DMD: variants seen among roughly 807,000 people sequenced by gnomAD.
DMD encodes the protein mutant dystrophin.
Under a neutral mutation model 330.1 loss-of-function variants are expected in DMD, and 63 were observed. That is an observed-to-expected ratio of 0.19 (90% CI 0.16 to 0.24). The LOEUF (loss-of-function observed/expected upper bound fraction) is 0.24. Ranked by LOEUF, DMD falls within the 10% of genes least tolerant of loss-of-function variation. The pLI, the probability that DMD is intolerant of heterozygous loss-of-function variation, is 1.00. For synonymous variants in DMD, 1,223 were observed against 959.8 expected (o/e 1.27, Z -5.07); for missense variants, 3,344 against 2,684.1 (o/e 1.25, Z -5.43).
intron 2 of DMD, among the ~76,000 whole-genome samples, chrX:32,924,388 G>C (rs2088765739): frequency 9.0e-6 from 1 of 110,634 alleles, no homozygotes. Flanking sequence ...AAAATTAGCA[G>C]GGCGTGGTGT....
At chrX:32,063,326 T>A (rs2096240811) in intron 44 of DMD, among the ~76,000 whole-genome samples, 1 of 110,667 alleles carries the variant, frequency 9.0e-6, no homozygotes. Flanking sequence ...GCCTATGAGT[T>A]TTGTCCCCCT....
intron 9 of DMD, among the ~76,000 whole-genome samples, chrX:32,684,409 T>A (rs2062695762): frequency 9.0e-6 from 1 of 111,701 alleles, no homozygotes; most frequent in Admixed American, 9.5e-5. Flanking sequence ...TAAGTTTTAT[T>A]AATCCTATGG....
At chrX:32,464,404 A>T (rs1378859021) in intron 24 of DMD, among the ~76,000 whole-genome samples, 182 bp downstream of exon 24, 6 of 110,151 alleles carry the variant, frequency 5.4e-5, no homozygotes, top group Non-Finnish European at 9.5e-5. Flanking sequence ...TACCTATTAG[A>T]CACCAGTAGC....
intron 60 of DMD, among the ~76,000 whole-genome samples, chrX:31,355,098 AAAG>A (rs1281189418): frequency 8.9e-6 from 1 of 112,617 alleles, no homozygotes; most frequent in Non-Finnish European, 1.9e-5. Flanking sequence ...TAAAAGAAAG[AAAG>A]AAAAAGGACC....
chrX:32,696,140 G>A (rs1192958825), intron 9 of DMD, among the ~76,000 whole-genome samples: 1 of 112,069 alleles, frequency 8.9e-6, no homozygotes, highest in Non-Finnish European at 1.9e-5. Context: ...AGACCAGCAA[G>A]TAAACACTTT....
intron 2 of DMD, among the ~76,000 whole-genome samples, chrX:32,874,752 A>G (rs2149164396): frequency 8.9e-6 from 1 of 111,825 alleles, no homozygotes; most frequent in South Asian, 3.8e-4. Flanking sequence ...TAGCCTCTTT[A>G]TGGGTTTCTT....
chrX:32,007,729 A>C (rs935199043), intron 44 of DMD, among the ~76,000 whole-genome samples: 1 of 110,751 alleles, frequency 9.0e-6, no homozygotes, highest in African/African-American at 3.3e-5. Context: ...TAAAGTCAAC[A>C]ATCCATTTTC....
At chrX:31,595,835 G>C (rs2077086129) in intron 55 of DMD, among the ~76,000 whole-genome samples, 1 of 108,315 alleles carries the variant, frequency 9.2e-6, no homozygotes, top group South Asian at 3.9e-4. Context: ...TTTGGGTACT[G>C]CAATAATTGA....
intron 62 of DMD, among the ~76,000 whole-genome samples, chrX:31,272,820 CTATTT>C (rs1409567504): frequency 3.6e-5 from 4 of 112,260 alleles, no homozygotes; most frequent in Non-Finnish European, 7.5e-5. Context: ...ACAGAAAATT[CTATTT>C]TATCAGACTT....
intron 55 of DMD, among the ~76,000 whole-genome samples, chrX:31,543,148 A>ATTTATTT (rs72107707): frequency 9.1e-6 from 1 of 109,705 alleles, no homozygotes; most frequent in South Asian, 3.8e-4. Context: ...TTTTTTTTTA[A>ATTTATTT]TTTATTTTTT....
intron 55 of DMD, among the ~76,000 whole-genome samples, chrX:31,580,734 CAT>C (rs2076304408): frequency 8.9e-6 from 1 of 112,090 alleles, no homozygotes; most frequent in South Asian, 3.7e-4. Flanking sequence ...ATCAGAAAGA[CAT>C]AGTCTCAGCC....
intron 1 of DMD, among the ~76,000 whole-genome samples, chrX:33,126,058 G>T (rs1456358834): frequency 2.0e-5 from 2 of 101,416 alleles, no homozygotes; most frequent in Non-Finnish European, 4.1e-5. Context: ...AAAAAAAATT[G>T]AGGTTTTACG....
chrX:31,198,644 G>A (rs976382174), intron 67 of DMD, among the ~76,000 whole-genome samples: 9 of 111,788 alleles, frequency 8.1e-5, no homozygotes, highest in Non-Finnish European at 1.3e-4. Flanking sequence ...ATAATTCTTC[G>A]TGCTATGATG....
chrX:31,762,682 T>C (rs1396942102), intron 51 of DMD, among the ~76,000 whole-genome samples: 2 of 111,990 alleles, frequency 1.8e-5, no homozygotes, highest in Admixed American at 9.5e-5. Context: ...GCACTGACCC[T>C]GGAACACATA....
intron 63 of DMD, among the ~76,000 whole-genome samples, chrX:31,258,155 T>C (rs978786538): frequency 4.5e-5 from 5 of 112,236 alleles, no homozygotes; most frequent in Non-Finnish European, 7.5e-5. Flanking sequence ...CTTTACCTAG[T>C]AAATAAAATC....
chrX:32,895,386 G>C (rs2085613550), intron 2 of DMD, among the ~76,000 whole-genome samples: 1 of 112,272 alleles, frequency 8.9e-6, no homozygotes, highest in Non-Finnish European at 1.9e-5. Context: ...TTATACTTCT[G>C]GTTCAGTTCA....
intron 1 of DMD, among the ~76,000 whole-genome samples, chrX:33,047,909 C>T (rs560218603): frequency 9.0e-6 from 1 of 111,422 alleles, no homozygotes; most frequent in African/African-American, 3.3e-5. Context: ...TTTGATGAAG[C>T]GATGTAGGGA....
intron 45 of DMD, among the ~76,000 whole-genome samples, chrX:31,951,111 C>CTATATATATATATATATATATATATATA (rs1190843934): frequency 1.5e-5 from 1 of 66,853 alleles, no homozygotes; most frequent in Non-Finnish European, 2.8e-5. Context: ...AACACACATA[C>CTATATATATATATATATATATATATATA]TATATATATA....
At chrX:32,891,555 C>T (rs1256402881) in intron 2 of DMD, among the ~76,000 whole-genome samples, 4 of 111,449 alleles carry the variant, frequency 3.6e-5, no homozygotes, top group Non-Finnish European at 5.7e-5. Flanking sequence ...TCTAATAAAG[C>T]GATGTAGGAC....
Sources: gnomAD v4.1 joint callset for allele counts (sites outside exome capture counted in the v4.1 genomes callset) on GRCh38, gnomAD v4.1.1 for gene constraint, MANE v1.5 for transcripts, NCBI Gene and HGNC (gene_info 2026-07-23, HGNC 2026-07-21) for gene names.